QTMAN: variants seen among roughly 807,000 people sequenced by gnomAD.
QTMAN encodes tRNA-queuosine alpha-mannosyltransferase.
the QTMAN span, among the ~76,000 whole-genome samples, chr2:144,064,204 T>A: frequency 1.2e-4 from 19 of 152,140 alleles, no homozygotes; most frequent in African/African-American, 4.3e-4. Flanking sequence ...ACACATTTTA[T>A]AGAAGAAAGA....
the QTMAN span, among the ~76,000 whole-genome samples, chr2:144,150,566 T>C: frequency 4.6e-5 from 7 of 152,082 alleles, no homozygotes; most frequent in Non-Finnish European, 1.0e-4. Context: ...AGCACAGTTC[T>C]GGATGAACCA....
chr2:144,074,441 G>A, the QTMAN span, among the ~76,000 whole-genome samples: 1 of 152,078 alleles, frequency 6.6e-6, no homozygotes, highest in South Asian at 2.1e-4. Context: ...CACTTTCCAA[G>A]CTCATTTAAA....
chr2:143,956,995 A>T, the QTMAN span, among the ~76,000 whole-genome samples: 15 of 152,308 alleles, frequency 9.8e-5, no homozygotes, highest in South Asian at 2.5e-3. Flanking sequence ...ATACGATTGT[A>T]TGTGGGGGGA....
the QTMAN span, among the ~76,000 whole-genome samples, chr2:144,108,220 C>T: frequency 3.3e-5 from 5 of 152,198 alleles, no homozygotes; most frequent in East Asian, 5.8e-4. Flanking sequence ...TCTCTCACCA[C>T]TCCTATTCAA....
the QTMAN span, among the ~76,000 whole-genome samples, chr2:144,099,504 T>C: frequency 5.3e-5 from 8 of 152,302 alleles, no homozygotes; most frequent in Non-Finnish European, 1.2e-4. Flanking sequence ...AAAACAAGTA[T>C]TCAAGCAAGG....
chr2:144,178,652 C>A, the QTMAN span: 521 of 157,234 alleles, frequency 3.3e-3, 2 homozygotes, highest in Non-Finnish European at 5.8e-3. Flanking sequence ...TCCTGCTGGT[C>A]TCCATATGGT....
chr2:143,990,747 T>C, the QTMAN span, among the ~76,000 whole-genome samples: 1 of 151,956 alleles, frequency 6.6e-6, no homozygotes, highest in African/African-American at 2.4e-5. Context: ...TGATCAAAAT[T>C]TAAAAAACAC....
the QTMAN span, among the ~76,000 whole-genome samples, chr2:144,111,588 A>G: frequency 6.6e-6 from 1 of 152,192 alleles, no homozygotes; most frequent in Non-Finnish European, 1.5e-5. Context: ...GCATCTGTCC[A>G]GCTTCAGACA....
chr2:144,201,719 A>T, the QTMAN span, among the ~76,000 whole-genome samples: 1 of 152,220 alleles, frequency 6.6e-6, no homozygotes, highest in African/African-American at 2.4e-5. Context: ...ATGATGGAAA[A>T]GAATAATGAA....
At chr2:143,992,237 G>A in the QTMAN span, among the ~76,000 whole-genome samples, 15 of 149,528 alleles carry the variant, frequency 1.0e-4, no homozygotes, top group Admixed American at 4.7e-4. Flanking sequence ...ACCTTACCCC[G>A]CAACCCTGTG....
chr2:143,976,142 T>A, the QTMAN span, among the ~76,000 whole-genome samples: 2 of 152,144 alleles, frequency 1.3e-5, no homozygotes, highest in African/African-American at 4.8e-5. Context: ...TGAAATTACA[T>A]CTAATCCTAT....
the QTMAN span, among the ~76,000 whole-genome samples, chr2:144,214,541 T>G: frequency 6.6e-6 from 1 of 152,202 alleles, no homozygotes; most frequent in Non-Finnish European, 1.5e-5. Flanking sequence ...ACATACAGTC[T>G]AATATTTATG....
At chr2:144,100,458 T>C in the QTMAN span, among the ~76,000 whole-genome samples, 1 of 152,218 alleles carries the variant, frequency 6.6e-6, no homozygotes, top group African/African-American at 2.4e-5. Flanking sequence ...TTCTTGATTC[T>C]TGTAAGTCAT....
chr2:144,121,129 C>A, the QTMAN span, among the ~76,000 whole-genome samples: 1 of 152,076 alleles, frequency 6.6e-6, no homozygotes. Context: ...AGAAGAGACT[C>A]AGAGCCATTG....
the QTMAN span, among the ~76,000 whole-genome samples, chr2:144,321,321 G>A: frequency 6.6e-6 from 1 of 152,328 alleles, no homozygotes; most frequent in Non-Finnish European, 1.5e-5. Flanking sequence ...GGAAAAAGAA[G>A]AGTTTCCTGC....
chr2:144,215,796 C>T, the QTMAN span, among the ~76,000 whole-genome samples: 4 of 152,146 alleles, frequency 2.6e-5, no homozygotes, highest in Non-Finnish European at 4.4e-5. Flanking sequence ...TTTAAAGTAT[C>T]GCATTGCCCT....
At chr2:143,979,455 T>C in the QTMAN span, among the ~76,000 whole-genome samples, 1 of 152,180 alleles carries the variant, frequency 6.6e-6, no homozygotes, top group African/African-American at 2.4e-5. Context: ...TGTAATAAAA[T>C]CCAAATAATT....
At chr2:144,143,397 C>T in the QTMAN span, among the ~76,000 whole-genome samples, 4 of 151,874 alleles carry the variant, frequency 2.6e-5, no homozygotes, top group African/African-American at 4.8e-5. Flanking sequence ...ATAGGAATGC[C>T]GTAGCCAAAC....
the QTMAN span, among the ~76,000 whole-genome samples, chr2:144,283,956 A>G: frequency 3.2e-4 from 49 of 152,172 alleles, no homozygotes; most frequent in Admixed American, 3.2e-3. Context: ...AATATATGGA[A>G]AAAATTATGT....
Sources: gnomAD v4.1 joint callset for allele counts (sites outside exome capture counted in the v4.1 genomes callset) on GRCh38, gnomAD v4.1.1 for gene constraint, MANE v1.5 for transcripts, NCBI Gene and HGNC (gene_info 2026-07-23, HGNC 2026-07-21) for gene names.